FARP1: variants seen among roughly 807,000 people sequenced by gnomAD.
FARP1 encodes the protein FERM, ARHGEF and pleckstrin domain-containing protein 1.
A neutral mutation model predicts 128.8 loss-of-function variants in FARP1; 52 were observed. The observed-to-expected ratio is 0.40, with a 90% CI of 0.32 to 0.51. FARP1 has a LOEUF of 0.51. FARP1 is among the 20% of genes least tolerant of loss of function. The probability of loss-of-function intolerance (pLI) is 0.45; values close to 1 mark genes in which losing one functional copy is unlikely to be tolerated. For missense variants in FARP1, 1,333 were observed against 1,367.9 expected, an observed-to-expected ratio of 0.97 and a Z score of 0.40; for synonymous variants, 580 against 551.8, an observed-to-expected ratio of 1.05 and a Z score of -0.72.
At chr13:98,257,975 T>C (rs1883689383) in intron 2 of FARP1, among the ~76,000 whole-genome samples, 2 of 152,140 alleles carry the variant, frequency 1.3e-5, no homozygotes, top group Non-Finnish European at 2.9e-5. Flanking sequence ...ACCATTGATA[T>C]ATATAATTTT....
In FARP1 at chr13:98,424,012, C is replaced by T. The variant is rs182668430; in HGVS notation, c.1827-560C>T. On this transcript the variant is annotated intron_variant, in intron 16 of 26. Coordinates refer to ENST00000319562, the MANE Select transcript of FARP1 (RefSeq NM_005766.4). ...ACCCTACCCTATTCTATGGCATTTA[C>T]GTCACTCCCACCTTAGGTACCATCT... Among the ~76,000 whole-genome samples the T allele has an allele frequency of 1.3e-3, 202 of 152,306 alleles. 1 individual carries two copies. The highest frequency in any genetic ancestry group is 3.4e-3 in the Middle Eastern group (1 of 294).
intron 2 of FARP1, among the ~76,000 whole-genome samples, chr13:98,272,759 T>C (rs1358056246): frequency 1.3e-5 from 2 of 152,188 alleles, no homozygotes; most frequent in Non-Finnish European, 2.9e-5. Flanking sequence ...TGAGCTCCTA[T>C]CAGCTCACAT....
At chr13:98,152,665 A>G (rs1876096226) in intron 1 of FARP1, among the ~76,000 whole-genome samples, 1 of 152,218 alleles carries the variant, frequency 6.6e-6, no homozygotes, top group South Asian at 2.1e-4. Flanking sequence ...GGTTATTGCC[A>G]TCTAAAGCAT....
At chr13:98,346,186 A>ATT (rs10555277) in intron 3 of FARP1, among the ~76,000 whole-genome samples, 53 of 105,670 alleles carry the variant, frequency 5.0e-4, no homozygotes, top group African/African-American at 1.7e-3. Context: ...ATTGCATATA[A>ATT]TTTTTTTTTT....
intron 2 of FARP1, among the ~76,000 whole-genome samples, chr13:98,231,437 A>C (rs1882108752): frequency 6.6e-6 from 1 of 151,782 alleles, no homozygotes; most frequent in Non-Finnish European, 1.5e-5. Flanking sequence ...TTCTTATTTT[A>C]TTTTATTTTA....
In FARP1 at chr13:98,172,256, C is replaced by T. The variant is rs183859586; in HGVS notation, c.-24+28764C>T. On this transcript the variant is annotated intron_variant, in intron 1 of 26. Transcript: ENST00000319562. ...TCATTTCTGCTGCTCAGGGATGTCT[C>T]GGTGGCTGTCGGCCCAGAGTGCTTG... Among the ~76,000 whole-genome samples the T allele has an allele frequency of 1.3e-3, 198 of 151,870 alleles. 2 individuals are homozygous for T. The highest frequency in any genetic ancestry group is 4.5e-3 in the African/African-American group (186 of 41,384).
At chr13:98,167,969 G>A (rs1459299418) in intron 1 of FARP1, among the ~76,000 whole-genome samples, 3 of 151,502 alleles carry the variant, frequency 2.0e-5, no homozygotes, top group Non-Finnish European at 2.9e-5. Context: ...TCAGGAGATC[G>A]AGACCATCCT....
chr13:98,180,384 C>T (rs1019116691), intron 1 of FARP1, among the ~76,000 whole-genome samples: 3 of 152,146 alleles, frequency 2.0e-5, no homozygotes, highest in African/African-American at 4.8e-5. Flanking sequence ...CCCCATGATC[C>T]AGTCACCTCC....
intron 17 of FARP1, among the ~76,000 whole-genome samples, chr13:98,427,537 T>A (rs1340610790): frequency 1.3e-5 from 2 of 152,202 alleles, no homozygotes. Flanking sequence ...CCTGCCAGGT[T>A]CATCTCCACC....
chr13:98,384,195 T>TGGGGGG (rs750602631), intron 6 of FARP1: 1 of 60,294 alleles, frequency 1.7e-5, no homozygotes, highest in African/African-American at 4.9e-5. Flanking sequence ...TTTTTTTTTG[T>TGGGGGG]AGGGGGGCGG....
intron 2 of FARP1, among the ~76,000 whole-genome samples, chr13:98,218,106 T>G (rs1430075574): frequency 2.6e-5 from 4 of 152,070 alleles, no homozygotes; most frequent in African/African-American, 9.7e-5. Flanking sequence ...TGGTCCCTGT[T>G]CAGCTTGGCC....
intron 2 of FARP1, among the ~76,000 whole-genome samples, chr13:98,268,715 G>A (rs966885338): frequency 6.6e-6 from 1 of 151,680 alleles, no homozygotes; most frequent in African/African-American, 2.4e-5. Flanking sequence ...TGATCCTCTT[G>A]CCTTGGCTTG....
At chr13:98,398,692 A>G (rs548092195) in intron 13 of FARP1, 1 of 152,212 alleles carries the variant, frequency 6.6e-6, no homozygotes, top group Non-Finnish European at 1.5e-5. Flanking sequence ...ATTTTTGCAT[A>G]ATCTGTTCAG....
chr13:98,379,699 C>T (rs1889818894), intron 6 of FARP1, among the ~76,000 whole-genome samples: 1 of 152,112 alleles, frequency 6.6e-6, no homozygotes, highest in Non-Finnish European at 1.5e-5. Flanking sequence ...CTCCCATAGA[C>T]TGTAAATCAT....
intron 3 of FARP1, among the ~76,000 whole-genome samples, chr13:98,351,053 C>T (rs1277223969): frequency 3.5e-5 from 5 of 141,278 alleles, no homozygotes; most frequent in Admixed American, 1.4e-4. Context: ...TGCCCAGCCT[C>T]GCCTCCCCTG....
intron 1 of FARP1, among the ~76,000 whole-genome samples, chr13:98,202,297 T>C (rs1880003022): frequency 6.6e-6 from 1 of 152,178 alleles, no homozygotes; most frequent in African/African-American, 2.4e-5. Context: ...TGCCCTTTGC[T>C]CTTTGCTCTC....
chr13:98,317,688 G>A (rs762688251), intron 2 of FARP1, among the ~76,000 whole-genome samples: 7 of 152,148 alleles, frequency 4.6e-5, no homozygotes, highest in East Asian at 3.8e-4. Flanking sequence ...ATAACCACAC[G>A]TCACTGACTG....
intron 9 of FARP1, 183 bp from the exon 10 acceptor site, chr13:98,389,774 G>A (rs1890236490): frequency 1.8e-6 from 1 of 560,026 alleles, no homozygotes. Flanking sequence ...TGATGGACTA[G>A]GGACCACATC....
At chr13:98,432,705 A>G (rs1892081417) in intron 18 of FARP1, 1 of 152,280 alleles carries the variant, frequency 6.6e-6, no homozygotes, top group Non-Finnish European at 1.5e-5. Context: ...GCCTCAGGCT[A>G]AAATCGGAAG....
Sources: gnomAD v4.1 joint callset for allele counts (sites outside exome capture counted in the v4.1 genomes callset) on GRCh38, gnomAD v4.1.1 for gene constraint, MANE v1.5 for transcripts, NCBI Gene and HGNC (gene_info 2026-07-23, HGNC 2026-07-21) for gene names.